Variants in HDAC9 observed in about 807,000 individuals in gnomAD.
HDAC9 encodes the protein MEF-2 interacting transcription repressor (MITR) protein.
In HDAC9, 41 loss-of-function variants were observed where a neutral mutation model predicts 139.4. The ratio of observed to expected loss-of-function variants is 0.29; its 90% CI spans 0.23 to 0.38. HDAC9 has a LOEUF of 0.38. Among genes scored for constraint, HDAC9 ranks in the 10% least tolerant of loss-of-function variants. The pLI is 1.00. For missense variants in HDAC9, 1,147 were observed against 1,297.0 expected (o/e 0.88, Z 1.78); for synonymous variants, 517 against 476.2 (o/e 1.09, Z -1.12).
chr7:18,962,226 G>A (rs1783572797), intron 24 of HDAC9, among the ~76,000 whole-genome samples: 1 of 152,098 alleles, frequency 6.6e-6, no homozygotes, highest in South Asian at 2.1e-4. Context: ...ATATTCTTTG[G>A]CTTTAGACAG....
intron 1 of HDAC9, among the ~76,000 whole-genome samples, chr7:18,487,332 C>T (rs2128132187): frequency 6.6e-6 from 1 of 151,984 alleles, no homozygotes; most frequent in East Asian, 1.9e-4. Flanking sequence ...AGAGTGAATA[C>T]AAGAACATCA....
At chr7:18,960,015 C>G (rs1011387563) in intron 24 of HDAC9, among the ~76,000 whole-genome samples, 6 of 72,290 alleles carry the variant, frequency 8.3e-5, no homozygotes, top group Non-Finnish European at 1.8e-4. Context: ...TTTAAACACA[C>G]ACACACACAC....
chr7:18,860,923 C>A (rs917390087), intron 21 of HDAC9, among the ~76,000 whole-genome samples: 1 of 152,146 alleles, frequency 6.6e-6, no homozygotes, highest in Non-Finnish European at 1.5e-5. Flanking sequence ...AGCCTCAGTT[C>A]TCTAGGATGT....
chr7:18,998,305 T>C lies in HDAC9; in HGVS notation c.*2243T>C, dbSNP rs1362338620. ...ATTTACTAAAGTTTCCTACAACAGT[T>C]TAGCCACATGTTTATGCCAAGCCAT... On this transcript the variant is annotated 3_prime_UTR_variant, in exon 26 of 26. Coordinates refer to ENST00000686413, the MANE Select transcript of HDAC9 (RefSeq NM_178425.4). 6.6e-6 allele frequency: 1 copy of C among 151,508 alleles called. No homozygotes were observed. The highest frequency in any genetic ancestry group is 1.5e-5 in the Non-Finnish European group (1 of 68,018). The allele number at this position is 151,508 out of a possible 1,614,324, so 9.4% of individuals were successfully genotyped here.
chr7:18,524,019 A>AAC (rs1195985702), intron 2 of HDAC9, among the ~76,000 whole-genome samples: 3 of 151,878 alleles, frequency 2.0e-5, no homozygotes, highest in Non-Finnish European at 4.4e-5. Context: ...AGTGTAGAGC[A>AAC]ACACTGAGAG....
intron 6 of HDAC9, among the ~76,000 whole-genome samples, chr7:18,615,376 CA>C (rs1399019584): frequency 1.3e-5 from 2 of 151,514 alleles, no homozygotes; most frequent in African/African-American, 2.4e-5. Flanking sequence ...ACAACAGCAA[CA>C]AAAAAAGGGA....
Position 18,650,458 on chromosome 7 carries a change from A to C in HDAC9, c.1467+1775A>C, listed in dbSNP as rs1423667707. On this transcript the variant is annotated intron_variant, in intron 11 of 25. Coordinates refer to ENST00000686413, the MANE Select transcript of HDAC9 (RefSeq NM_178425.4). ...CAAATGGTTTCTATGAATACCTTTA[A>C]GAATATTTTGGAATACAGTTTTTTA... Among the ~76,000 whole-genome samples the C allele has an allele frequency of 5.3e-5, 8 of 152,278 alleles. No individual in the cohort carries two copies. The South Asian group carries it at 1.0e-3, about 20-fold the overall frequency.
At chr7:18,279,603 C>G (rs146818262) in intron 2 of HDAC9, among the ~76,000 whole-genome samples, 1 of 151,628 alleles carries the variant, frequency 6.6e-6, no homozygotes, top group Non-Finnish European at 1.5e-5. Context: ...GTAGCTGGGA[C>G]TACAGGCGCC....
chr7:18,332,105 G>A (rs1429419375), intron 1 of HDAC9, among the ~76,000 whole-genome samples: 1 of 151,654 alleles, frequency 6.6e-6, no homozygotes, highest in Non-Finnish European at 1.5e-5. Flanking sequence ...TTTCTTTGGA[G>A]TTCGAATAAA....
intron 2 of HDAC9, among the ~76,000 whole-genome samples, chr7:18,554,626 C>T (rs1583328821): frequency 1.3e-5 from 2 of 152,178 alleles, no homozygotes; most frequent in Non-Finnish European, 1.5e-5. Context: ...TGAGCCACCG[C>T]GCCCAGCCCA....
At chr7:18,976,502 C>G (rs933206628) in intron 25 of HDAC9, among the ~76,000 whole-genome samples, 24 of 152,150 alleles carry the variant, frequency 1.6e-4, no homozygotes. Flanking sequence ...GTGTAAAGGA[C>G]TGTGTGAACT....
At chr7:18,339,571 T>G (rs1470436351) in intron 1 of HDAC9, among the ~76,000 whole-genome samples, 2 of 151,516 alleles carry the variant, frequency 1.3e-5, no homozygotes, top group Non-Finnish European at 3.0e-5. Context: ...AGTTCAAAAC[T>G]TTATATTGTA....
At chr7:18,549,598 G>A (rs892029743) in intron 2 of HDAC9, among the ~76,000 whole-genome samples, 4 of 152,142 alleles carry the variant, frequency 2.6e-5, no homozygotes, top group African/African-American at 9.7e-5. Flanking sequence ...ACATTTTAAG[G>A]ATGTTAACTT....
intron 1 of HDAC9, chr7:18,429,014 C>A (rs933808064): frequency 1.3e-5 from 2 of 152,286 alleles, no homozygotes; most frequent in East Asian, 3.8e-4. Flanking sequence ...TTTCAGATCA[C>A]CCTGTAGAAA....
chr7:18,733,019 GTA>G (rs1219893074), intron 13 of HDAC9, among the ~76,000 whole-genome samples: 102 of 141,986 alleles, frequency 7.2e-4, no homozygotes, highest in African/African-American at 2.6e-3. Flanking sequence ...GTGTATGTGT[GTA>G]TATATGTATA....
At position 18,424,771 on chromosome 7, in the gene HDAC9, C is replaced by T. The variant is rs1047478833; in HGVS notation, c.-41-71491C>T. On this transcript the variant is annotated intron_variant, in intron 1 of 3. Coordinates refer to the HDAC9 transcript ENST00000413509. The stretch of plus-strand genomic sequence containing the variant: ...TAAAAATGCAAAAAAATCAGCTGGG[C>T]GTGATGGCACGTGCCCAGCTACTCT... 3.9e-5 allele frequency among the ~76,000 whole-genome samples: 6 copies of T among 152,092 alleles called. No individual in the cohort carries two copies. In the South Asian group the frequency reaches 6.2e-4, roughly 16 times the overall value.
chr7:18,929,731 A>G (rs1804561539), intron 22 of HDAC9, among the ~76,000 whole-genome samples: 2 of 152,208 alleles, frequency 1.3e-5, no homozygotes, highest in South Asian at 2.1e-4. Flanking sequence ...AGGTCAAGAG[A>G]TCGAGACTAT....
At chr7:18,883,991 G>A (rs1448529083) in intron 22 of HDAC9, among the ~76,000 whole-genome samples, 2 of 152,118 alleles carry the variant, frequency 1.3e-5, no homozygotes, top group African/African-American at 4.8e-5. Context: ...ATTTAACCAA[G>A]GAGGTGAAAG....
At chr7:18,253,250 T>C (rs1433391145) in intron 2 of HDAC9, among the ~76,000 whole-genome samples, 1 of 152,214 alleles carries the variant, frequency 6.6e-6, no homozygotes, top group African/African-American at 2.4e-5. Flanking sequence ...ACAATTTATA[T>C]TCTTTTGGGT....
Sources: allele counts gnomAD v4.1 joint callset (sites outside exome capture counted in the v4.1 genomes callset), GRCh38; gene constraint gnomAD v4.1.1; transcripts MANE v1.5; gene names NCBI Gene and HGNC (gene_info 2026-07-23, HGNC 2026-07-21).